BSN: variants seen among roughly 807,000 people sequenced by gnomAD.
BSN encodes the protein protein bassoon.
A neutral mutation model predicts 264.8 loss-of-function variants in BSN; 57 were observed. That is an observed-to-expected ratio of 0.22 (90% CI 0.17 to 0.27). The LOEUF (loss-of-function observed/expected upper bound fraction) is 0.27. BSN is among the 10% of genes least tolerant of loss of function. The pLI is 1.00. For missense variants in BSN, 4,615 were observed against 5,232.5 expected, an observed-to-expected ratio of 0.88 and a Z score of 3.64; for synonymous variants, 2,059 against 2,137.3, an observed-to-expected ratio of 0.96 and a Z score of 1.01.
Position 49,650,804 on chromosome 3 carries a change from A to T in BSN, c.1711A>T (p.Lys571Ter). Residue 571 changes from lysine (K) to a stop codon, truncating the protein, a stop_gained, in exon 4 of 12, where the codon AAG becomes TAG. Coordinates refer to ENST00000296452, the MANE Select transcript of BSN (RefSeq NM_003458.4). LOFTEE classifies it high-confidence loss of function. ...LGQPSGPLPA[K>*]ASPLSTKASP... ...CCAGCCTTCAGGCCCCCTGCCTGCC[A>T]AGGCCAGCCCTCTATCCACCAAGGC... 6.2e-7 allele frequency: 1 copy of T among 1,613,970 alleles called. No homozygotes were observed. Among genetic ancestry groups the T allele is most frequent in the Non-Finnish European group, 8.5e-7 (1 of 1,179,944 alleles).
At chr3:49,597,714 C>T (rs996788004) in intron 1 of BSN, among the ~76,000 whole-genome samples, 4 of 152,168 alleles carry the variant, frequency 2.6e-5, no homozygotes, top group Admixed American at 2.6e-4. Flanking sequence ...GCAATCTCGG[C>T]TCGCTGCAAA....
At position 49,660,385 on chromosome 3, in the gene BSN, C is replaced by T. The variant is rs767871900; in HGVS notation, c.8641-101C>T. On this transcript the variant is annotated intron_variant, in intron 5 of 11. Coordinates refer to ENST00000296452, the MANE Select transcript of BSN (RefSeq NM_003458.4). The surrounding 1 kb of genome is among the most constrained non-coding windows in gnomAD (Gnocchi z 7.1). ...AATCAGGGCACCAGCAAGATGGAAC[C>T]CAGCTCCTTCCCCAGCCCAGGCCTG... 6.7e-6 allele frequency: 10 copies of T among 1,500,472 alleles called. No homozygotes were observed. Among genetic ancestry groups the T allele is most frequent in the Non-Finnish European group, 8.0e-6 (9 of 1,126,368 alleles). The allele number at this position is 1,500,472 out of a possible 1,614,324, so 92.9% of individuals were successfully genotyped here.
chr3:49,571,273 T>C (rs1024333479), intron 1 of BSN, among the ~76,000 whole-genome samples: 1 of 152,050 alleles, frequency 6.6e-6, no homozygotes, highest in Non-Finnish European at 1.5e-5. Context: ...CCACAGCAAG[T>C]CAGGGGCAGG....
In BSN at chr3:49,654,683, C is replaced by T. The variant is rs747077353; in HGVS notation, c.5127C>T (p.Thr1709=). The change falls in exon 5 of 12, where the codon ACC becomes ACT. Residue 1709 remains threonine (T), a synonymous_variant. Coordinates refer to ENST00000296452, the MANE Select transcript of BSN (RefSeq NM_003458.4). The surrounding 1 kb of genome is among the most constrained non-coding windows in gnomAD (Gnocchi z 4.1). ...ALDPIPGRQS[T]AVQPLVINLN... is the part of the protein sequence containing the mutation. The stretch of plus-strand genomic sequence containing the variant: ...ATCCAATCCCAGGACGGCAGTCGAC[C>T]GCCGTGCAGCCCTTGGTTATCAACC... 5.0e-5 allele frequency: 80 copies of T among 1,613,718 alleles called. No individual in the cohort carries two copies. Among genetic ancestry groups the T allele is most frequent in the Non-Finnish European group, 6.1e-5 (72 of 1,180,026 alleles).
intron 1 of BSN, among the ~76,000 whole-genome samples, chr3:49,573,674 T>G (rs918578198): frequency 6.6e-6 from 1 of 151,386 alleles, no homozygotes; most frequent in African/African-American, 2.4e-5. Flanking sequence ...TTTTTTTTTT[T>G]GAGACGGAGT....
chr3:49,651,086 C>G lies in BSN; in HGVS notation c.1986+7C>G. ...CAAGGGTGGGGAGGCGGAGGTCAGTCCCATTCACTTCCCAGAGACCCTAGC... is the reference window on the plus strand; with the variant it reads ...CAAGGGTGGGGAGGCGGAGGTCAGTGCCATTCACTTCCCAGAGACCCTAGC... On this transcript the variant is annotated splice_region_variant and intron_variant, in intron 4 of 11. Coordinates refer to ENST00000296452, the MANE Select transcript of BSN (RefSeq NM_003458.4). The surrounding 1 kb of genome is among the most constrained non-coding windows in gnomAD (Gnocchi z 5.4). 6.3e-7 allele frequency: 1 copy of G among 1,597,186 alleles called. No individual in the cohort carries two copies. Among genetic ancestry groups the G allele is most frequent in the Non-Finnish European group, 8.5e-7 (1 of 1,175,714 alleles).
chr3:49,575,282 A>T lies in BSN; in HGVS notation c.224+20456A>T, dbSNP rs191832314. On this transcript the variant is annotated intron_variant, in intron 1 of 11. Transcript: ENST00000296452. The stretch of plus-strand genomic sequence containing the variant: ...GGCAGGAGAATCACTTGAACCCGGG[A>T]GGCAGAGGTTGCAGTAACCCGAGAT... Among the ~76,000 whole-genome samples the T allele has an allele frequency of 6.1e-3, 927 of 151,906 alleles. 17 individuals carry two copies. Among genetic ancestry groups the T allele is most frequent in the Non-Finnish European group, 7.1e-3 (484 of 67,968 alleles).
In BSN at chr3:49,654,481, T is replaced by G. The variant is rs763920552; in HGVS notation, c.4925T>G (p.Leu1642Arg). The change falls in exon 5 of 12, where the codon CTG (leucine) becomes CGG (arginine). Residue 1642 changes from leucine to arginine, a missense_variant. Physicochemically the swap from Leu to Arg is moderately radical, Grantham distance 102. Coordinates refer to ENST00000296452, the MANE Select transcript of BSN (RefSeq NM_003458.4). This position sits in a 1 kb window ranked among gnomAD's most constrained non-coding sequence, Gnocchi z 4.1. Reference protein sequence around the residue: ...WGALPAENISLCRISSVPGTS... With the variant: ...WGALPAENISRCRISSVPGTS... ...GCCCTCCCTGCTGAGAACATCTCCC[T>G]GTGCCGGATCTCCTCTGTCCCTGGG... is the stretch of plus-strand genomic sequence containing the variant. 2 of 1,610,168 alleles carry G rather than the reference T, an allele frequency of 1.2e-6. No homozygotes were observed. Among genetic ancestry groups the G allele is most frequent in the Non-Finnish European group, 1.7e-6 (2 of 1,178,260 alleles).
chr3:49,671,720 C>T (rs1041601816), downstream of BSN, among the ~76,000 whole-genome samples: 3 of 152,212 alleles, frequency 2.0e-5, no homozygotes, highest in South Asian at 2.1e-4. The surrounding 1 kb of genome is among the most constrained non-coding windows in gnomAD (Gnocchi z 4.1). Context: ...GACAATGGGC[C>T]CTCCACAAAG....
Position 49,663,818 on chromosome 3 carries a change from G to A in BSN, c.11540G>A (p.Gly3847Glu). 3 of 1,614,120 alleles carry A rather than the reference G, an allele frequency of 1.9e-6. No individual in the cohort carries two copies. The highest frequency in any genetic ancestry group is 4.5e-5 in the East Asian group (2 of 44,888). The change falls in exon 8 of 12, where the codon GGG becomes GAG. Residue 3847 changes from glycine (G) to glutamate (E), a missense_variant. By Grantham distance (98) the Gly-to-Glu change is moderately conservative. Transcript: ENST00000296452. ...PRAEQTNGSK[G>E]TAKAPQQGRA... is the part of the protein sequence containing the mutation. ...GCAGAACAGACAAATGGCTCTAAAG[G>A]GACAGCCAAAGCACCGCAACAGGGG...
chr3:49,639,843 C>A (rs1333998969), intron 2 of BSN, among the ~76,000 whole-genome samples: 2 of 152,228 alleles, frequency 1.3e-5, no homozygotes, highest in Non-Finnish European at 2.9e-5. Flanking sequence ...CCTGTGAGGA[C>A]AAAATGAGAG....
At chr3:49,672,264 T>C (rs1274932353), downstream of BSN, among the ~76,000 whole-genome samples, 1 of 152,080 alleles carries the variant, frequency 6.6e-6, no homozygotes, top group Admixed American at 6.5e-5. Flanking sequence ...TCCAGAGAGA[T>C]ACACCATTAG....
At position 49,651,734 on chromosome 3, in the gene BSN, G is replaced by A. The variant is rs150207451; in HGVS notation, c.2178G>A (p.Lys726=). ...PHPPSPSEIH[K]VGSSMRPLLQ... ...CACCCAGCCCCTCCGAGATCCACAA[G>A]GTGGGGAGCAGCATGCGGCCTTTGC... The change falls in exon 5 of 12, where the codon AAG becomes AAA. Residue 726 remains lysine, a synonymous_variant. Coordinates refer to ENST00000296452, the MANE Select transcript of BSN (RefSeq NM_003458.4). The surrounding 1 kb of genome is among the most constrained non-coding windows in gnomAD (Gnocchi z 5.4). The A allele has an allele frequency of 1.2e-6, 2 of 1,613,686 alleles. No individual in the cohort carries two copies. The highest frequency in any genetic ancestry group is 1.3e-5 in the African/African-American group (1 of 74,942).
At chr3:49,631,391 A>G (rs2052383277) in intron 2 of BSN, among the ~76,000 whole-genome samples, 1 of 151,906 alleles carries the variant, frequency 6.6e-6, no homozygotes, top group South Asian at 2.1e-4. Context: ...CCCCATCTCT[A>G]CAAAAAAAAT....
In BSN at chr3:49,650,615, A is replaced by G; in HGVS notation, c.1522A>G (p.Thr508Ala). Reference sequence around the variant, plus strand: ...CCCCTCTCCCATTTCCTTGCAGAAAACAGAGTGGCTCTGTCTGAACTGCCA... The same window carrying G: ...CCCCTCTCCCATTTCCTTGCAGAAAGCAGAGTGGCTCTGTCTGAACTGCCA... Reference protein sequence around the residue: ...FNPTPHLVEKTEWLCLNCQTK... With the variant: ...FNPTPHLVEKAEWLCLNCQTK... The change falls in exon 4 of 12, where the codon ACA becomes GCA. Residue 508 changes from threonine (T) to alanine (A), a missense_variant. Physicochemically the swap from Thr to Ala is moderately conservative, Grantham distance 58 (BLOSUM62 0). This residue lies in a region of BSN where 1,197 missense variants were observed against 1,348.0 expected (regional missense o/e 0.89). Coordinates refer to ENST00000296452, the MANE Select transcript of BSN (RefSeq NM_003458.4). 1.3e-6 allele frequency: 2 copies of G among 1,589,098 alleles called. No individual in the cohort carries two copies. The highest frequency in any genetic ancestry group is 8.5e-7 in the Non-Finnish European group (1 of 1,174,010).
intron 2 of BSN, among the ~76,000 whole-genome samples, chr3:49,634,554 G>A (rs1394472225): frequency 6.6e-6 from 1 of 152,164 alleles, no homozygotes; most frequent in African/African-American, 2.4e-5. Flanking sequence ...ACCACACCCG[G>A]CTAAGTTTTG....
intron 1 of BSN, among the ~76,000 whole-genome samples, chr3:49,594,606 G>A (rs1377527799): frequency 6.6e-6 from 1 of 152,108 alleles, no homozygotes; most frequent in African/African-American, 2.4e-5. Context: ...AAATTGGGTA[G>A]AATAATTTCT....
rs754591596 is a variant in BSN at position 49,661,198 on chromosome 3, A to G, written c.9353A>G (p.Tyr3118Cys). Residue 3118 changes from tyrosine to cysteine, a missense_variant, in exon 6 of 12, where the codon TAT becomes TGT. Physicochemically the swap from Tyr to Cys is radical, Grantham distance 194 (BLOSUM62 -2). Coordinates refer to ENST00000296452, the MANE Select transcript of BSN (RefSeq NM_003458.4). ...NQQAFRPTGH[Y>C]AGQTPMPTTQ... ...CAGGCTTTCCGCCCCACAGGCCACTATGCAGGCCAAACACCCATGCCAACC... is the reference window on the plus strand; with the variant it reads ...CAGGCTTTCCGCCCCACAGGCCACTGTGCAGGCCAAACACCCATGCCAACC... The G allele has an allele frequency of 3.7e-6, 6 of 1,613,494 alleles. No individual in the cohort carries two copies. Among genetic ancestry groups the G allele is most frequent in the Admixed American group, 3.3e-5 (2 of 60,008 alleles).
rs149016709 is a variant in BSN at position 49,594,227 on chromosome 3, G to A, written c.225-30748G>A. On this transcript the variant is annotated intron_variant, in intron 1 of 11. Coordinates refer to ENST00000296452, the MANE Select transcript of BSN (RefSeq NM_003458.4). ...AAATTTGATGAGATCTAATTTGTCA[G>A]TCTTTCCTGTAATGGCTTATGCTTT... is the stretch of plus-strand genomic sequence containing the variant. Among the ~76,000 whole-genome samples, 677 of 152,296 alleles carry A rather than the reference G, an allele frequency of 4.4e-3. 10 individuals carry two copies. The highest frequency in any genetic ancestry group is 0.015 in the African/African-American group (609 of 41,566).
Sources: gnomAD v4.1 joint callset for allele counts (sites outside exome capture counted in the v4.1 genomes callset) on GRCh38, gnomAD v4.1.1 for gene constraint, gnomAD v4.1.1 regional missense constraint, Gnocchi (gnomAD v3.1) non-coding constraint, MANE v1.5 for transcripts, NCBI Gene and HGNC (gene_info 2026-07-23, HGNC 2026-07-21) for gene names.